The following TSPAN12 variants were observed in gnomAD, a reference collection of about 807,000 sequenced individuals.
TSPAN12 encodes tetraspanin 12, also known as tetraspanin-12.
A neutral mutation model predicts 39.2 loss-of-function variants in TSPAN12; 19 were observed. That is an observed-to-expected ratio of 0.49 (90% CI 0.34 to 0.71). The LOEUF is 0.71. TSPAN12 is among the 30% of genes least tolerant of loss of function. The pLI is 0.01. For synonymous variants in TSPAN12, 119 were observed against 124.8 expected (o/e 0.95, Z 0.31); for missense variants, 314 against 359.9 (o/e 0.87, Z 1.03).
intron 7 of TSPAN12, among the ~76,000 whole-genome samples, chr7:120,802,909 G>A (rs967940159): frequency 6.6e-6 from 1 of 152,078 alleles, no homozygotes; most frequent in Non-Finnish European, 1.5e-5. Flanking sequence ...ATTGGGTCAG[G>A]GACCATGCAG....
intron 4 of TSPAN12, among the ~76,000 whole-genome samples, chr7:120,831,342 T>C (rs1794387232): frequency 1.3e-5 from 2 of 152,074 alleles, no homozygotes; most frequent in Non-Finnish European, 2.9e-5. Context: ...ATATCTGTAT[T>C]CTCATGTTCA....
rs1156239636 is a variant in TSPAN12, at chr7:120,841,615, T to TGGTATGAGAATATA, written c.67-1507_67-1506insTATATTCTCATACC. Among the ~76,000 whole-genome samples, 493 of 79,930 alleles carry TGGTATGAGAATATA rather than the reference T, an allele frequency of 6.2e-3. 1 individual carries two copies. Among genetic ancestry groups the TGGTATGAGAATATA allele is most frequent in the African/African-American group, 0.024 (473 of 20,054 alleles). The allele number at this position is 79,930 out of a possible 152,430, so 52.4% of individuals were successfully genotyped here. On this transcript the variant is annotated intron_variant, in intron 2 of 7. Coordinates refer to ENST00000222747, the MANE Select transcript of TSPAN12 (RefSeq NM_012338.4). ...AAATATTAAGAAACTACTTTGATTATTTTAGGTATGAGAATATATTATTTT... is the reference window on the plus strand; with the variant it reads ...AAATATTAAGAAACTACTTTGATTATGGTATGAGAATATATTTAGGTATGAGAATATATTATTTT...
chr7:120,854,193 G>A (rs1309507503), intron 2 of TSPAN12, among the ~76,000 whole-genome samples: 1 of 152,118 alleles, frequency 6.6e-6, no homozygotes, highest in Non-Finnish European at 1.5e-5. Context: ...AAATATTTTT[G>A]TACATATAAT....
intron 7 of TSPAN12, among the ~76,000 whole-genome samples, chr7:120,796,501 A>G (rs1414961605): frequency 6.6e-6 from 1 of 152,176 alleles, no homozygotes; most frequent in East Asian, 1.9e-4. Flanking sequence ...TGGTATACTA[A>G]CAGTTTCTCA....
At chr7:120,830,508 C>T (rs976864278) in intron 4 of TSPAN12, among the ~76,000 whole-genome samples, 1 of 151,832 alleles carries the variant, frequency 6.6e-6, no homozygotes, top group Non-Finnish European at 1.5e-5. Context: ...ACATTTACAG[C>T]CAATTGATTT....
intron 4 of TSPAN12, among the ~76,000 whole-genome samples, chr7:120,828,677 T>A (rs1794334642): frequency 6.7e-6 from 1 of 148,252 alleles, no homozygotes; most frequent in Admixed American, 6.7e-5. Context: ...TTTTTTTTTT[T>A]ACAGTACCTT....
chr7:120,809,756 A>T (rs2107275), intron 6 of TSPAN12, among the ~76,000 whole-genome samples: 25 of 151,900 alleles, frequency 1.6e-4, no homozygotes, highest in Non-Finnish European at 3.1e-4. Flanking sequence ...ATCTGAATAC[A>T]GTCCCCACTT....
intron 7 of TSPAN12, among the ~76,000 whole-genome samples, chr7:120,793,384 T>C (rs564956050): frequency 6.6e-6 from 1 of 152,374 alleles, no homozygotes; most frequent in Admixed American, 6.5e-5. Flanking sequence ...CATCACATAG[T>C]TGGGACTTGG....
At chr7:120,855,162 C>T (rs1794848049) in intron 2 of TSPAN12, among the ~76,000 whole-genome samples, 1 of 152,088 alleles carries the variant, frequency 6.6e-6, no homozygotes, top group African/African-American at 2.4e-5. Flanking sequence ...ACAACAACAA[C>T]AACAATCTTA....
At chr7:120,825,940 G>A (rs1466655075) in intron 4 of TSPAN12, among the ~76,000 whole-genome samples, 1 of 152,114 alleles carries the variant, frequency 6.6e-6, no homozygotes, top group East Asian at 1.9e-4. Flanking sequence ...AGGTCAGCCT[G>A]ATTTAGGAAA....
intron 2 of TSPAN12, among the ~76,000 whole-genome samples, chr7:120,844,466 G>A (rs1391941879): frequency 1.3e-5 from 2 of 152,134 alleles, no homozygotes; most frequent in African/African-American, 2.4e-5. Flanking sequence ...ATCAAAACCA[G>A]TTAGTTACTT....
At chr7:120,824,291 A>AC (rs1794242398) in intron 4 of TSPAN12, among the ~76,000 whole-genome samples, 1 of 151,642 alleles carries the variant, frequency 6.6e-6, no homozygotes, top group South Asian at 2.1e-4. Flanking sequence ...AAAAAAAAAA[A>AC]ATTAGCTGGG....
intron 2 of TSPAN12, among the ~76,000 whole-genome samples, chr7:120,851,422 T>C (rs952146944): frequency 2.0e-5 from 3 of 152,182 alleles, no homozygotes; most frequent in African/African-American, 7.2e-5. Flanking sequence ...TAACGGTAAG[T>C]AAAAAACAAT....
chr7:120,788,914 T>C lies in TSPAN12; in HGVS notation c.613-17A>G, dbSNP rs768445667. On this transcript the variant is annotated splice_polypyrimidine_tract_variant and intron_variant, in intron 7 of 7. Transcript: ENST00000222747. ...CCCACAACCCTGTAAAAGAAATACATGGTCAACATTACTTTAGATATGTTA... is the reference window on the plus strand; with the variant it reads ...CCCACAACCCTGTAAAAGAAATACACGGTCAACATTACTTTAGATATGTTA... 1 of 1,613,272 alleles carries C rather than the reference T, an allele frequency of 6.2e-7. No homozygotes were observed. Among genetic ancestry groups the C allele is most frequent in the Non-Finnish European group, 8.5e-7 (1 of 1,179,588 alleles).
Position 120,788,860 on chromosome 7 carries a change from G to C in TSPAN12, c.650C>G (p.Thr217Ser), listed in dbSNP as rs1403586383. 2.5e-6 allele frequency: 4 copies of C among 1,614,078 alleles called. No individual in the cohort carries two copies. The highest frequency in any genetic ancestry group is 3.4e-6 in the Non-Finnish European group (4 of 1,179,990). Residue 217 changes from threonine (T) to serine (S), a missense_variant, in exon 8 of 8, where the codon ACC becomes AGC. Coordinates refer to ENST00000222747, the MANE Select transcript of TSPAN12 (RefSeq NM_012338.4). ...AAACCTCAGCACCTGCAGTTGTTTG[G>C]TTCCTCTCAAAAAGGAATACATTTT... Reference protein sequence around the residue: ...GKKMYSFLRGTKQLQVLRFLG... With the variant: ...GKKMYSFLRGSKQLQVLRFLG...
intron 5 of TSPAN12, chr7:120,813,990 ACTCT>A (rs1423764128): frequency 1.3e-5 from 3 of 225,024 alleles, no homozygotes; most frequent in Non-Finnish European, 2.7e-5. Context: ...CTTTTCAGGA[ACTCT>A]CTCTACTTAC....
chr7:120,795,775 AC>A (rs1793616190), intron 7 of TSPAN12, among the ~76,000 whole-genome samples: 1 of 152,214 alleles, frequency 6.6e-6, no homozygotes, highest in Non-Finnish European at 1.5e-5. Flanking sequence ...AACAGGTTAG[AC>A]CAAAAGTTCT....
chr7:120,836,496 A>G (rs1794478716), intron 4 of TSPAN12, among the ~76,000 whole-genome samples: 1 of 152,208 alleles, frequency 6.6e-6, no homozygotes, highest in Admixed American at 6.5e-5. Context: ...TAGAGATGGA[A>G]AAAAGCAAAA....
intron 1 of TSPAN12, chr7:120,857,191 C>G (rs954134555): frequency 4.1e-5 from 14 of 341,730 alleles, no homozygotes; most frequent in Non-Finnish European, 7.4e-5. Context: ...GACAGCTGTG[C>G]TCGGCACTGT....
Sources: gnomAD v4.1 joint callset for allele counts (sites outside exome capture counted in the v4.1 genomes callset) on GRCh38, gnomAD v4.1.1 for gene constraint, MANE v1.5 for transcripts, NCBI Gene and HGNC (gene_info 2026-07-23, HGNC 2026-07-21) for gene names.